Variants in BTBD9 observed in about 807,000 individuals in gnomAD.
The protein encoded by BTBD9 is BTB/POZ domain-containing protein 9.
BTBD9 carries 49 observed loss-of-function variants against 64.3 expected under a neutral mutation model. The ratio of observed to expected loss-of-function variants is 0.76; its 90% CI spans 0.61 to 0.97. The LOEUF is 0.97. Among genes scored for constraint, BTBD9 ranks in the 50% least tolerant of loss-of-function variants. BTBD9 has a pLI of 0.00. For missense variants in BTBD9, 598 were observed against 762.1 expected (o/e 0.78, Z 2.53); for synonymous variants, 260 against 274.7 (o/e 0.95, Z 0.53).
intron 6 of BTBD9, among the ~76,000 whole-genome samples, chr6:38,531,438 C>T (rs1477740732): frequency 1.3e-5 from 2 of 152,066 alleles, no homozygotes; most frequent in Non-Finnish European, 2.9e-5. Context: ...ACAGGAAATG[C>T]TAAAGGAAGT....
At chr6:38,345,300 T>C (rs1371411857) in intron 6 of BTBD9, among the ~76,000 whole-genome samples, 1 of 152,238 alleles carries the variant, frequency 6.6e-6, no homozygotes, top group Non-Finnish European at 1.5e-5. Flanking sequence ...ATAAGGGACA[T>C]GTCATTTTGC....
intron 6 of BTBD9, among the ~76,000 whole-genome samples, chr6:38,560,358 T>A (rs1433030075): frequency 6.6e-6 from 1 of 152,142 alleles, no homozygotes. Flanking sequence ...AAAACCACAA[T>A]GCGATACCAT....
intron 1 of BTBD9, among the ~76,000 whole-genome samples, chr6:38,618,620 G>C (rs943378273): frequency 6.6e-6 from 1 of 152,148 alleles, no homozygotes; most frequent in Admixed American, 6.5e-5. Flanking sequence ...GCTGTAGGGG[G>C]AGGGGAATTT....
chr6:38,391,401 G>C (rs1057390326), intron 6 of BTBD9, among the ~76,000 whole-genome samples: 5 of 152,110 alleles, frequency 3.3e-5, no homozygotes, highest in Admixed American at 2.0e-4. Flanking sequence ...AAGGCTTTTT[G>C]GATGAGTCAC....
intron 6 of BTBD9, among the ~76,000 whole-genome samples, chr6:38,356,458 C>T (rs902204267): frequency 2.0e-5 from 3 of 152,136 alleles, no homozygotes; most frequent in Non-Finnish European, 4.4e-5. Flanking sequence ...AGCTATGATG[C>T]CTCCTGAGTT....
chr6:38,416,396 G>A (rs539228802), intron 6 of BTBD9, among the ~76,000 whole-genome samples: 8 of 150,660 alleles, frequency 5.3e-5, no homozygotes, highest in South Asian at 2.1e-4. Flanking sequence ...GTGCAGTGGC[G>A]TGATCTCGGC....
intron 1 of BTBD9, among the ~76,000 whole-genome samples, chr6:38,627,818 G>A (rs1024396241): frequency 1.3e-5 from 2 of 152,052 alleles, no homozygotes; most frequent in Non-Finnish European, 2.9e-5. Flanking sequence ...ACTTTAGCAA[G>A]GTACTAACTA....
At chr6:38,338,377 A>T (rs922105339) in intron 7 of BTBD9, among the ~76,000 whole-genome samples, 7 of 152,166 alleles carry the variant, frequency 4.6e-5, no homozygotes, top group Non-Finnish European at 8.8e-5. Flanking sequence ...TTTTTGGACC[A>T]CAGTTGACTA....
chr6:38,209,340 A>G (rs1205730535), intron 9 of BTBD9, among the ~76,000 whole-genome samples: 1 of 152,248 alleles, frequency 6.6e-6, no homozygotes, highest in African/African-American at 2.4e-5. Flanking sequence ...ATTTAGCACC[A>G]GAACTGACAT....
At chr6:38,576,493 C>A (rs564081687) in intron 6 of BTBD9, among the ~76,000 whole-genome samples, 1 of 152,144 alleles carries the variant, frequency 6.6e-6, no homozygotes, top group Non-Finnish European at 1.5e-5. Context: ...AGAGGCTGAA[C>A]GGTTTTGTGA....
intron 6 of BTBD9, among the ~76,000 whole-genome samples, chr6:38,565,118 G>C (rs1055153748): frequency 2.0e-5 from 3 of 151,682 alleles, no homozygotes; most frequent in African/African-American, 7.3e-5. Context: ...CAATCATAAA[G>C]TTTGACTGGT....
At chr6:38,319,949 T>C (rs1048573425) in intron 7 of BTBD9, among the ~76,000 whole-genome samples, 2 of 152,180 alleles carry the variant, frequency 1.3e-5, no homozygotes, top group African/African-American at 4.8e-5. Flanking sequence ...TGGTGAGGCA[T>C]GCCGAAACTC....
intron 6 of BTBD9, among the ~76,000 whole-genome samples, chr6:38,484,977 G>A (rs1252844150): frequency 1.3e-5 from 2 of 152,194 alleles, no homozygotes; most frequent in South Asian, 2.1e-4. Context: ...TGTAGCATAC[G>A]ATGCTGTTTG....
rs150470114 is a variant in BTBD9, at chr6:38,418,216, CTCTT to C, written c.1155-73127_1155-73124del. Among the ~76,000 whole-genome samples the C allele has an allele frequency of 5.5e-3, 839 of 152,298 alleles. 6 individuals are homozygous for C. Among genetic ancestry groups the C allele is most frequent in the African/African-American group, 0.017 (689 of 41,544 alleles). On this transcript the variant is annotated intron_variant, in intron 6 of 10. Coordinates refer to ENST00000481247, the MANE Select transcript of BTBD9 (RefSeq NM_001099272.2). ...AAGAGAAATAAATTACACAAAATCA[CTCTT>C]TCTGACTCTAAATACAGGAATAAAT...
chr6:38,505,645 A>C (rs1332351172), intron 6 of BTBD9, among the ~76,000 whole-genome samples: 1 of 150,860 alleles, frequency 6.6e-6, no homozygotes, highest in Non-Finnish European at 1.5e-5. Context: ...AAAATCCCCC[A>C]TGCAACTGAA....
chr6:38,469,416 T>G (rs1291996226), intron 6 of BTBD9, among the ~76,000 whole-genome samples: 4 of 151,788 alleles, frequency 2.6e-5, no homozygotes, highest in African/African-American at 9.7e-5. Flanking sequence ...CCTCCTGGGT[T>G]CCAGCAATTC....
intron 8 of BTBD9, among the ~76,000 whole-genome samples, chr6:38,257,250 C>T (rs1436785171): frequency 6.6e-6 from 1 of 151,578 alleles, no homozygotes; most frequent in Non-Finnish European, 1.5e-5. Flanking sequence ...GCTGCCCAGA[C>T]TGGACTGCAG....
At chr6:38,352,195 A>AG (rs1408682144) in intron 6 of BTBD9, among the ~76,000 whole-genome samples, 1 of 151,926 alleles carries the variant, frequency 6.6e-6, no homozygotes, top group African/African-American at 2.4e-5. Context: ...TGGGCAACAG[A>AG]GGGGAACCCT....
chr6:38,563,451 C>T (rs1202128120), intron 6 of BTBD9, among the ~76,000 whole-genome samples: 1 of 152,196 alleles, frequency 6.6e-6, no homozygotes, highest in Non-Finnish European at 1.5e-5. Flanking sequence ...AACTGGTTTC[C>T]CTTCTTCCAC....
Sources: allele counts gnomAD v4.1 joint callset (sites outside exome capture counted in the v4.1 genomes callset), GRCh38; gene constraint gnomAD v4.1.1; transcripts MANE v1.5; gene names NCBI Gene and HGNC (gene_info 2026-07-23, HGNC 2026-07-21).